Variants in IL19 observed in about 807,000 individuals in gnomAD.
IL19 encodes the protein interleukin 19, also known as interleukin-19.
Under a neutral mutation model 19.5 loss-of-function variants are expected in IL19, and 15 were observed. That is an observed-to-expected ratio of 0.77 (90% CI 0.52 to 1.19). The LOEUF is 1.19. IL19 is among the 50% of genes most tolerant of loss of function. The pLI, the probability that IL19 is intolerant of heterozygous loss-of-function variation, is 0.00. For missense variants in IL19, 199 were observed against 213.1 expected (o/e 0.93, Z 0.41); for synonymous variants, 78 against 78.3 (o/e 1.00, Z 0.02).
Position 206,778,811 on chromosome 1 carries a change from C to G in IL19, c.-149+7733C>G, listed in dbSNP as rs148210916. ...AACTCTAGAAATGATTTGTTGGTCC[C>G]TCCCTCTTCCTTGCCAATCTATGTT... On this transcript the variant is annotated intron_variant, in intron 1 of 6. Coordinates refer to ENST00000659997, the MANE Select transcript of IL19 (RefSeq NM_153758.5). Among the ~76,000 whole-genome samples, 168 of 152,324 alleles carry G rather than the reference C, an allele frequency of 1.1e-3. 1 individual carries two copies. Among genetic ancestry groups the G allele is most frequent in the African/African-American group, 3.8e-3 (160 of 41,570 alleles).
chr1:206,842,006 T>C (rs1474693326), intron 6 of IL19, among the ~76,000 whole-genome samples: 1 of 152,196 alleles, frequency 6.6e-6, no homozygotes, highest in African/African-American at 2.4e-5. Flanking sequence ...GGAGGTGGAA[T>C]AAGGCAGGAG....
chr1:206,781,414 C>CAAAAAAAA (rs57060549), intron 1 of IL19, among the ~76,000 whole-genome samples: 64 of 43,004 alleles, frequency 1.5e-3, no homozygotes, highest in Non-Finnish European at 2.1e-3. Context: ...GACTCTGTCT[C>CAAAAAAAA]AAAAAAAAAA....
In IL19 at chr1:206,799,551, T is replaced by C. The variant is rs376284312; in HGVS notation, c.-3+545T>C. Among the ~76,000 whole-genome samples the C allele has an allele frequency of 1.2e-3, 188 of 152,352 alleles. 1 individual carries two copies. Among genetic ancestry groups the C allele is most frequent in the African/African-American group, 4.2e-3 (176 of 41,584 alleles). On this transcript the variant is annotated intron_variant, in intron 2 of 6. Coordinates refer to ENST00000659997, the MANE Select transcript of IL19 (RefSeq NM_153758.5). ...CTTTCTGCTTTTCTTGGCAGCTTTC[T>C]CTGCATCTCTGAGCAGTTTGCAGAG...
intron 2 of IL19, among the ~76,000 whole-genome samples, chr1:206,827,138 A>G (rs920463651): frequency 1.1e-4 from 16 of 152,228 alleles, no homozygotes; most frequent in Non-Finnish European, 5.9e-5. Context: ...GGAAACAACC[A>G]TAGCAAAGGA....
chr1:206,793,162 A>G (rs1675445332), intron 1 of IL19, among the ~76,000 whole-genome samples: 1 of 152,240 alleles, frequency 6.6e-6, no homozygotes, highest in Non-Finnish European at 1.5e-5. Flanking sequence ...CCATCCTCAG[A>G]GGTTTATACC....
chr1:206,837,752 T>A (rs1314652921), intron 4 of IL19, among the ~76,000 whole-genome samples: 1 of 152,100 alleles, frequency 6.6e-6, no homozygotes. Flanking sequence ...CTTGGGCGGC[T>A]GAGATGGGAG....
In IL19 at chr1:206,789,035, A is replaced by G. The variant is rs11805284; in HGVS notation, c.-148-9826A>G. ...ACAGTGTCTGTTGTTTCCACCAATA[A>G]TCAGATACCAGTCAGAATGCTAGAG... On this transcript the variant is annotated intron_variant, in intron 1 of 6. Transcript: ENST00000659997. Among the ~76,000 whole-genome samples, 1,378 of 152,318 alleles carry G rather than the reference A, an allele frequency of 9.0e-3. 17 individuals carry two copies. The highest frequency in any genetic ancestry group is 0.032 in the African/African-American group (1,325 of 41,548).
chr1:206,770,894 A>T lies in IL19; in HGVS notation c.-333A>T, dbSNP rs200235675. 6.2e-7 allele frequency: 1 copy of T among 1,613,718 alleles called. No homozygotes were observed. The highest frequency in any genetic ancestry group is 1.3e-5 in the African/African-American group (1 of 74,994). On this transcript the variant is annotated 5_prime_UTR_variant, in exon 1 of 7. Transcript: ENST00000659997. ...GGGGCAGCTGCAAGGGAAAAAACTG[A>T]TCTGCTACTTACACAGCGCCGTAGC...
Position 206,774,494 on chromosome 1 carries a change from C to A in IL19, c.-149+3416C>A, listed in dbSNP as rs563841118. Among the ~76,000 whole-genome samples, 10 of 152,312 alleles carry A rather than the reference C, an allele frequency of 6.6e-5. No homozygotes were observed. The East Asian group carries it at 1.9e-3, about 29-fold the overall frequency. On this transcript the variant is annotated intron_variant, in intron 1 of 6. Coordinates refer to ENST00000659997, the MANE Select transcript of IL19 (RefSeq NM_153758.5). Reference sequence around the variant, plus strand: ...TGTCTGTGTTAGCCTGCAGGTCTAACCCCCTCTCTGAGCTGGGTGTTCCAG... The same window carrying A: ...TGTCTGTGTTAGCCTGCAGGTCTAAACCCCTCTCTGAGCTGGGTGTTCCAG...
rs1253130344 is a variant in IL19 at position 206,841,071 on chromosome 1, A to G, written c.431A>G (p.Tyr144Cys). The G allele has an allele frequency of 3.7e-6, 6 of 1,613,544 alleles. No homozygotes were observed. The highest frequency in any genetic ancestry group is 5.1e-6 in the Non-Finnish European group (6 of 1,179,528). The stretch of plus-strand genomic sequence containing the variant: ...GCCACCAGAGTCATCCATGACAACT[A>G]TGATCAGGTAAGATCTGGGAAGAGG... ...TNATRVIHDN[Y>C]DQLEVHAAAI... Residue 144 changes from tyrosine (Y) to cysteine (C), a missense_variant, in exon 6 of 7, where the codon TAT (tyrosine) becomes TGT (cysteine). Transcript: ENST00000659997.
At chr1:206,833,193 T>A (rs1676669191) in intron 2 of IL19, among the ~76,000 whole-genome samples, 1 of 152,264 alleles carries the variant, frequency 6.6e-6, no homozygotes, top group African/African-American at 2.4e-5. Flanking sequence ...AAAAATAGAA[T>A]GAGTGGTCCC....
At position 206,839,850 on chromosome 1, in the gene IL19, C is replaced by A. The variant is rs776974605; in HGVS notation, c.211C>A (p.Pro71Thr). 3 of 1,610,246 alleles carry A rather than the reference C, an allele frequency of 1.9e-6. No homozygotes were observed. The highest frequency in any genetic ancestry group is 2.5e-6 in the Non-Finnish European group (3 of 1,178,168). ...STLETLQIIK[P>T]LDVCCVTKNL... ...GTGTTTCCCTAATTTGTGTTTGTAGCCCTTAGATGTGTGCTGCGTGACCAA... is the reference window on the plus strand; with the variant it reads ...GTGTTTCCCTAATTTGTGTTTGTAGACCTTAGATGTGTGCTGCGTGACCAA... The change falls in exon 5 of 7, where the codon CCC becomes ACC. Residue 71 changes from proline (P) to threonine (T), a missense_variant and splice_region_variant. Coordinates refer to ENST00000659997, the MANE Select transcript of IL19 (RefSeq NM_153758.5).
chr1:206,812,342 A>T (rs1485962756), intron 2 of IL19, among the ~76,000 whole-genome samples: 2 of 152,188 alleles, frequency 1.3e-5, no homozygotes, highest in Non-Finnish European at 2.9e-5. Context: ...GTTCCTAAGG[A>T]ACAAATGTCT....
rs191140520 is a variant in IL19 at position 206,771,430 on chromosome 1, A to G, written c.-149+352A>G. ...TCCTTCATTTGCTGCAGGAAGAACAAAAGGAGAATGAACTTGAGGTTTGGG... is the reference window on the plus strand; with the variant it reads ...TCCTTCATTTGCTGCAGGAAGAACAGAAGGAGAATGAACTTGAGGTTTGGG... On this transcript the variant is annotated intron_variant, in intron 1 of 6. Transcript: ENST00000659997. 1.8e-4 allele frequency: 295 copies of G among 1,596,428 alleles called. 1 individual carries two copies. The South Asian group carries it at 2.4e-3, about 13-fold the overall frequency.
intron 4 of IL19, 60 bp downstream of exon 4, chr1:206,837,083 C>A: frequency 7.4e-7 from 1 of 1,351,968 alleles, no homozygotes; most frequent in Non-Finnish European, 1.1e-6. Context: ...TGGCTCTGGG[C>A]TGAGAAAGAA....
At chr1:206,778,080 G>C (rs1033700455) in intron 1 of IL19, among the ~76,000 whole-genome samples, 5 of 152,196 alleles carry the variant, frequency 3.3e-5, no homozygotes, top group Non-Finnish European at 5.9e-5. Context: ...TTTAAGAGGA[G>C]CCCGGGCTGG....
intron 2 of IL19, among the ~76,000 whole-genome samples, chr1:206,813,913 A>G (rs1329324257): frequency 6.6e-6 from 1 of 152,240 alleles, no homozygotes; most frequent in Non-Finnish European, 1.5e-5. Flanking sequence ...TGGAGGAAGA[A>G]GAAATTCTCA....
intron 1 of IL19, among the ~76,000 whole-genome samples, chr1:206,788,906 CT>C (rs1342078088): frequency 2.0e-5 from 3 of 152,172 alleles, no homozygotes; most frequent in Non-Finnish European, 2.9e-5. Context: ...AAGTTATTCT[CT>C]GTTGTGTGGT....
chr1:206,776,043 T>C (rs1219709144), intron 1 of IL19, among the ~76,000 whole-genome samples: 1 of 152,240 alleles, frequency 6.6e-6, no homozygotes, highest in Non-Finnish European at 1.5e-5. Context: ...GGGGATGTAC[T>C]GGGAAATCAG....
Sources: gnomAD v4.1 joint callset for allele counts (sites outside exome capture counted in the v4.1 genomes callset) on GRCh38, gnomAD v4.1.1 for gene constraint, MANE v1.5 for transcripts, NCBI Gene and HGNC (gene_info 2026-07-23, HGNC 2026-07-21) for gene names.